Variants in MACROD2 observed in about 807,000 individuals in gnomAD.
MACROD2 encodes the protein mono-ADP ribosylhydrolase 2, also known as ADP-ribose glycohydrolase MACROD2.
MACROD2 carries 36 observed loss-of-function variants against 70.4 expected under a neutral mutation model. That is an observed-to-expected ratio of 0.51 (90% CI 0.39 to 0.68). MACROD2 has a LOEUF of 0.68. MACROD2 is among the 30% of genes least tolerant of loss of function. MACROD2 has a pLI of 0.00. For synonymous variants in MACROD2, 172 were observed against 178.8 expected (o/e 0.96, Z 0.30); for missense variants, 496 against 538.4 (o/e 0.92, Z 0.78).
intron 12 of MACROD2, among the ~76,000 whole-genome samples, chr20:15,962,720 C>T (rs1458963319): frequency 6.6e-6 from 1 of 152,134 alleles, no homozygotes; most frequent in Non-Finnish European, 1.5e-5. Flanking sequence ...TTCCATATCT[C>T]TGGGAATGAT....
intron 5 of MACROD2, among the ~76,000 whole-genome samples, chr20:15,198,748 C>G (rs1874676243): frequency 6.6e-6 from 1 of 151,876 alleles, no homozygotes; most frequent in African/African-American, 2.4e-5. Flanking sequence ...TTTTATGAAC[C>G]CCACAATTTA....
At chr20:14,842,867 A>G (rs1232784093) in intron 5 of MACROD2, among the ~76,000 whole-genome samples, 1 of 152,144 alleles carries the variant, frequency 6.6e-6, no homozygotes, top group Non-Finnish European at 1.5e-5. Context: ...GAACTCTAGG[A>G]GTCATTTCCA....
intron 5 of MACROD2, among the ~76,000 whole-genome samples, chr20:14,727,252 T>C (rs946237161): frequency 6.6e-6 from 1 of 152,138 alleles, no homozygotes; most frequent in Admixed American, 6.5e-5. Flanking sequence ...CTCCAAGAAA[T>C]ACAGGCAGTG....
chr20:14,278,933 A>G (rs2082281721), intron 3 of MACROD2, among the ~76,000 whole-genome samples: 1 of 152,226 alleles, frequency 6.6e-6, no homozygotes, highest in Non-Finnish European at 1.5e-5. Flanking sequence ...CTATTCTTAA[A>G]TGAAGTCATT....
intron 6 of MACROD2, among the ~76,000 whole-genome samples, chr20:15,328,714 G>C (rs1405537107): frequency 6.6e-6 from 1 of 152,026 alleles, no homozygotes; most frequent in African/African-American, 2.4e-5. Context: ...ATATGCAATT[G>C]AATTCCTTAG....
At chr20:15,929,239 G>A (rs1392371471) in intron 10 of MACROD2, among the ~76,000 whole-genome samples, 2 of 152,166 alleles carry the variant, frequency 1.3e-5, no homozygotes, top group African/African-American at 2.4e-5. Flanking sequence ...CTTAAGCCAA[G>A]AGCTACAGGG....
intron 3 of MACROD2, among the ~76,000 whole-genome samples, chr20:14,089,037 T>C (rs1361670739): frequency 6.6e-6 from 1 of 152,222 alleles, no homozygotes; most frequent in Non-Finnish European, 1.5e-5. Flanking sequence ...CCTAAATGTA[T>C]AATTTTTCAT....
At chr20:15,432,996 A>G (rs1337577995) in intron 7 of MACROD2, among the ~76,000 whole-genome samples, 1 of 152,086 alleles carries the variant, frequency 6.6e-6, no homozygotes, top group East Asian at 1.9e-4. Flanking sequence ...AATTGATAAA[A>G]TCCAGCATCC....
Position 15,228,575 on chromosome 20 carries a change from C to T in MACROD2, c.419-1365C>T, listed in dbSNP as rs755514955. On this transcript the variant is annotated intron_variant, in intron 5 of 17. Transcript: ENST00000684519. ...TGCAATCTCGGCTCACTGCAAGCTC[C>T]GACTCCCTGGTTCAAGCGATTCTCC... is the stretch of plus-strand genomic sequence containing the variant. Among the ~76,000 whole-genome samples the T allele has an allele frequency of 2.7e-5, 4 of 147,940 alleles. No homozygotes were observed. The South Asian group carries it at 6.4e-4, about 24-fold the overall frequency.
chr20:14,257,961 C>T (rs975951705), intron 3 of MACROD2, among the ~76,000 whole-genome samples: 1 of 152,126 alleles, frequency 6.6e-6, no homozygotes, highest in Admixed American at 6.6e-5. Context: ...GCTTGGCTCC[C>T]ATTTAAAATT....
At chr20:15,841,959 A>G (rs897842166) in intron 8 of MACROD2, among the ~76,000 whole-genome samples, 1 of 152,142 alleles carries the variant, frequency 6.6e-6, no homozygotes, top group African/African-American at 2.4e-5. Context: ...GAAAATAGGA[A>G]GCAAAGACCA....
At chr20:15,372,416 G>T (rs1009985906) in intron 6 of MACROD2, among the ~76,000 whole-genome samples, 5 of 152,222 alleles carry the variant, frequency 3.3e-5, no homozygotes, top group African/African-American at 4.8e-5. Context: ...AGTTGAATGG[G>T]TATAAAAGAG....
Position 14,025,769 on chromosome 20 carries a change from C to T in MACROD2, c.163+23365C>T, listed in dbSNP as rs141087974. On this transcript the variant is annotated intron_variant, in intron 2 of 17. Transcript: ENST00000684519. ...GAGGAGTGTTTTACTTTCAATTATG[C>T]GGTCAATTTTAGAATAAGTGGGATG... is the stretch of plus-strand genomic sequence containing the variant. Among the ~76,000 whole-genome samples the T allele has an allele frequency of 7.7e-3, 1,176 of 152,044 alleles. 13 individuals are homozygous for T. Among genetic ancestry groups the T allele is most frequent in the African/African-American group, 0.024 (1,009 of 41,470 alleles).
At chr20:14,082,943 CAT>C (rs1160260848) in intron 2 of MACROD2, among the ~76,000 whole-genome samples, 1 of 152,040 alleles carries the variant, frequency 6.6e-6, no homozygotes, top group East Asian at 1.9e-4. Flanking sequence ...GAGTCCTTGT[CAT>C]TGGGTCAGGT....
At chr20:15,029,785 A>T (rs1231068379) in intron 5 of MACROD2, among the ~76,000 whole-genome samples, 1 of 152,204 alleles carries the variant, frequency 6.6e-6, no homozygotes. Context: ...CCCCTTACAC[A>T]GTGCCTGAAA....
chr20:15,603,710 C>T (rs552812426), intron 8 of MACROD2, among the ~76,000 whole-genome samples: 6 of 152,128 alleles, frequency 3.9e-5, no homozygotes, highest in South Asian at 2.1e-4. Flanking sequence ...AAAATCACTA[C>T]ACTAGTTAGC....
At chr20:15,935,705 G>T (rs917233759) in intron 11 of MACROD2, among the ~76,000 whole-genome samples, 2 of 152,156 alleles carry the variant, frequency 1.3e-5, no homozygotes, top group Admixed American at 6.6e-5. Context: ...AGGGTTCATT[G>T]TGTCATAGGC....
At chr20:16,001,248 C>A (rs1449333501) in intron 15 of MACROD2, among the ~76,000 whole-genome samples, 1 of 152,050 alleles carries the variant, frequency 6.6e-6, no homozygotes, top group African/African-American at 2.4e-5. Flanking sequence ...TTTTTTTCAT[C>A]GATTTCACCA....
chr20:14,804,685 G>C (rs1600680055), intron 5 of MACROD2, among the ~76,000 whole-genome samples: 1 of 151,946 alleles, frequency 6.6e-6, no homozygotes, highest in African/African-American at 2.4e-5. Context: ...CTGCCGTTCA[G>C]ATGCTCTGAA....
Sources: allele counts gnomAD v4.1 joint callset (sites outside exome capture counted in the v4.1 genomes callset), GRCh38; gene constraint gnomAD v4.1.1; transcripts MANE v1.5; gene names NCBI Gene and HGNC (gene_info 2026-07-23, HGNC 2026-07-21).